IGF2R: variants seen among roughly 807,000 people sequenced by gnomAD.
IGF2R encodes the protein insulin like growth factor 2 receptor.
A neutral mutation model predicts 270.6 loss-of-function variants in IGF2R; 91 were observed. The observed-to-expected ratio is 0.34, with a 90% CI of 0.28 to 0.40. The LOEUF is 0.40. Ranked by LOEUF, IGF2R falls within the 10% of genes least tolerant of loss-of-function variation. IGF2R has a pLI of 1.00. For synonymous variants in IGF2R, 1,316 were observed against 1,258.9 expected (o/e 1.05, Z -0.96); for missense variants, 2,805 against 3,188.3 (o/e 0.88, Z 2.90).
intron 19 of IGF2R, among the ~76,000 whole-genome samples, chr6:160,054,271 G>C (rs1236088348): frequency 6.6e-6 from 1 of 152,224 alleles, no homozygotes; most frequent in Non-Finnish European, 1.5e-5. Context: ...ACACATGCGT[G>C]GTAGGCAACA....
intron 23 of IGF2R, among the ~76,000 whole-genome samples, chr6:160,061,199 T>C (rs771276287): frequency 2.6e-5 from 4 of 152,162 alleles, no homozygotes; most frequent in Non-Finnish European, 1.5e-5. Flanking sequence ...AAAGAGTCTT[T>C]AGGGACTCAC....
At chr6:159,976,380 C>T (rs889391225) in intron 1 of IGF2R, among the ~76,000 whole-genome samples, 2 of 151,948 alleles carry the variant, frequency 1.3e-5, no homozygotes, top group African/African-American at 4.8e-5. Context: ...TACTTGTGTA[C>T]TTTTTTCTTA....
chr6:160,108,921 T>G lies in IGF2R; in HGVS notation c.*3837T>G, dbSNP rs950931663. ...TGGTCTCGATCTCCTGACCTCATGA[T>G]CCACCTGCCTCGGCCTCCGAAAGTG... On this transcript the variant is annotated 3_prime_UTR_variant, in exon 48 of 48. Coordinates refer to ENST00000356956, the MANE Select transcript of IGF2R (RefSeq NM_000876.4). 1 of 152,202 alleles carries G rather than the reference T, an allele frequency of 6.6e-6. No homozygotes were observed. Among genetic ancestry groups the G allele is most frequent in the Non-Finnish European group, 1.5e-5 (1 of 68,072 alleles). 9.4% of individuals were successfully genotyped at this position (152,202 alleles called of 1,614,324 possible).
In IGF2R at chr6:160,084,778, C is replaced by T. The variant is rs553590411; in HGVS notation, c.6069-217C>T. ...GGCCGCAGGTGTGGACATTCCACTC[C>T]GCGTGTGTCTGGTTGGTGAGCTCCC... is the stretch of plus-strand genomic sequence containing the variant. On this transcript the variant is annotated intron_variant, in intron 40 of 47. Coordinates refer to ENST00000356956, the MANE Select transcript of IGF2R (RefSeq NM_000876.4). This position sits in a 1 kb window ranked among gnomAD's most constrained non-coding sequence, Gnocchi z 4.6. Among the ~76,000 whole-genome samples the T allele has an allele frequency of 5.3e-5, 8 of 152,184 alleles. No homozygotes were observed. Among genetic ancestry groups the T allele is most frequent in the Admixed American group, 1.3e-4 (2 of 15,284 alleles).
At chr6:160,076,921 G>T (rs967855375) in intron 36 of IGF2R, among the ~76,000 whole-genome samples, 4 of 152,336 alleles carry the variant, frequency 2.6e-5, no homozygotes, top group South Asian at 4.1e-4. Flanking sequence ...GAGTTCAGGT[G>T]ATGGATTAGG....
In IGF2R at chr6:160,109,883, A is replaced by T. The variant is rs1236085195; in HGVS notation, c.*4799A>T. On this transcript the variant is annotated 3_prime_UTR_variant, in exon 48 of 48. Coordinates refer to ENST00000356956, the MANE Select transcript of IGF2R (RefSeq NM_000876.4). ...GGTCTAACTGCAAAATCATACTTGA[A>T]CTAGAAAATCCCGTTGGCATAGGTA... 6.6e-6 allele frequency: 1 copy of T among 152,236 alleles called. No homozygotes were observed. Among genetic ancestry groups the T allele is most frequent in the Non-Finnish European group, 1.5e-5 (1 of 68,046 alleles). The allele number at this position is 152,236 out of a possible 1,614,324, so 9.4% of individuals were successfully genotyped here.
chr6:160,001,888 T>C (rs1164915540), intron 2 of IGF2R, among the ~76,000 whole-genome samples: 2 of 152,188 alleles, frequency 1.3e-5, no homozygotes, highest in African/African-American at 4.8e-5. Context: ...ATTTGACCCT[T>C]GAACAACGCT....
At chr6:160,103,242 G>A (rs1779529787) in intron 46 of IGF2R, among the ~76,000 whole-genome samples, 1 of 151,574 alleles carries the variant, frequency 6.6e-6, no homozygotes, top group African/African-American at 2.4e-5. Flanking sequence ...TGGTCAGAAA[G>A]TACCAACCAT....
At chr6:160,040,368 T>C (rs1338616499) in intron 10 of IGF2R, among the ~76,000 whole-genome samples, 192 bp from the exon 11 acceptor site, 3 of 152,166 alleles carry the variant, frequency 2.0e-5, no homozygotes, top group African/African-American at 7.2e-5. Flanking sequence ...CATCGAGGAC[T>C]TAGGGTTAAG....
intron 10 of IGF2R, among the ~76,000 whole-genome samples, chr6:160,038,554 G>A (rs1424334440): frequency 2.0e-5 from 3 of 152,102 alleles, no homozygotes; most frequent in Non-Finnish European, 4.4e-5. Flanking sequence ...TTTTCTTCAC[G>A]TTTGCAGAAT....
chr6:160,031,263 G>A (rs1777690046), intron 7 of IGF2R, among the ~76,000 whole-genome samples: 1 of 152,064 alleles, frequency 6.6e-6, no homozygotes, highest in Non-Finnish European at 1.5e-5. Context: ...TTTAGGAGCT[G>A]GTATTTAGTA....
intron 5 of IGF2R, among the ~76,000 whole-genome samples, chr6:160,026,560 A>G (rs1212647639): frequency 6.6e-6 from 1 of 152,194 alleles, no homozygotes; most frequent in Non-Finnish European, 1.5e-5. Context: ...CCCAAAGTAT[A>G]CTGTGTAAGG....
chr6:159,981,348 T>A (rs1482626024), intron 1 of IGF2R, among the ~76,000 whole-genome samples: 1 of 152,100 alleles, frequency 6.6e-6, no homozygotes, highest in Non-Finnish European at 1.5e-5. Flanking sequence ...AGTGTGTGTG[T>A]GTGAGTGTGT....
At chr6:160,053,391 T>G (rs1338667198) in intron 19 of IGF2R, among the ~76,000 whole-genome samples, 1 of 152,044 alleles carries the variant, frequency 6.6e-6, no homozygotes, top group African/African-American at 2.4e-5. Flanking sequence ...TGTGCACATG[T>G]ACCCTAGAAC....
In IGF2R at chr6:160,047,865, T is replaced by C. The variant is rs749520429; in HGVS notation, c.2303T>C (p.Val768Ala). ...YACPEEPLEC[V>A]VTDPSTLEQY... Reference sequence around the variant, plus strand: ...TGCCCGGAGGAGCCCCTGGAATGCGTAGTGACCGACCCCTCCACGCTGGAG... The same window carrying C: ...TGCCCGGAGGAGCCCCTGGAATGCGCAGTGACCGACCCCTCCACGCTGGAG... The change falls in exon 17 of 48, where the codon GTA becomes GCA. Residue 768 changes from valine (V) to alanine (A), a missense_variant. Around this residue, in one of 2 missense-constraint regions of IGF2R, gnomAD observed 954 missense variants for 981.1 expected, o/e 0.97. Transcript: ENST00000356956. The C allele has an allele frequency of 1.2e-6, 2 of 1,613,916 alleles. No homozygotes were observed. Among genetic ancestry groups the C allele is most frequent in the East Asian group, 2.2e-5 (1 of 44,892 alleles).
At chr6:159,972,188 G>T (rs928599858) in intron 1 of IGF2R, among the ~76,000 whole-genome samples, 1 of 151,800 alleles carries the variant, frequency 6.6e-6, no homozygotes, top group Non-Finnish European at 1.5e-5. Flanking sequence ...TTTTAATTTT[G>T]TTCCTGGGCA....
chr6:160,068,155 T>C, intron 29 of IGF2R, 94 bp from the exon 30 acceptor site: 3 of 1,446,866 alleles, frequency 2.1e-6, no homozygotes, highest in Non-Finnish European at 2.9e-6. Context: ...AGGCTTAGAC[T>C]ATGCCTGAAT....
intron 4 of IGF2R, among the ~76,000 whole-genome samples, chr6:160,020,795 C>A (rs534463986): frequency 2.0e-4 from 30 of 152,268 alleles, no homozygotes; most frequent in African/African-American, 7.0e-4. Flanking sequence ...AAAATTAACT[C>A]AGGTCGGATT....
rs866309518 is a variant in IGF2R, at chr6:160,097,026, C to T, written c.6842+401C>T. Among the ~76,000 whole-genome samples, 10 of 152,136 alleles carry T rather than the reference C, an allele frequency of 6.6e-5. No homozygotes were observed. The East Asian group carries it at 9.6e-4, about 15-fold the overall frequency. ...TGTAATCCTGGAACATCTTTTGTGTCGTAATACAAATGATTGTTTGGTAAA... is the reference window on the plus strand; with the variant it reads ...TGTAATCCTGGAACATCTTTTGTGTTGTAATACAAATGATTGTTTGGTAAA... On this transcript the variant is annotated intron_variant, in intron 45 of 47. Coordinates refer to ENST00000356956, the MANE Select transcript of IGF2R (RefSeq NM_000876.4).
Sources: gnomAD v4.1 joint callset for allele counts (sites outside exome capture counted in the v4.1 genomes callset) on GRCh38, gnomAD v4.1.1 for gene constraint, gnomAD v4.1.1 regional missense constraint, Gnocchi (gnomAD v3.1) non-coding constraint, MANE v1.5 for transcripts, NCBI Gene and HGNC (gene_info 2026-07-23, HGNC 2026-07-21) for gene names.